CCDC192: variants seen among roughly 807,000 people sequenced by gnomAD.
CCDC192 encodes coiled-coil domain containing 192.
chr5:127,883,441 C>A (rs930114940), intron 6 of CCDC192, among the ~76,000 whole-genome samples: 3 of 152,102 alleles, frequency 2.0e-5, no homozygotes, highest in African/African-American at 7.2e-5. Flanking sequence ...TTGATATTTG[C>A]CTTACAGAAA....
intron 1 of CCDC192, among the ~76,000 whole-genome samples, chr5:127,707,082 G>A (rs79441345): frequency 6.6e-6 from 1 of 152,202 alleles, no homozygotes; most frequent in African/African-American, 2.4e-5. Flanking sequence ...TTGGACAAGT[G>A]CAGTTTCTGT....
intron 2 of CCDC192, among the ~76,000 whole-genome samples, chr5:127,752,691 G>A (rs1302118729): frequency 6.6e-6 from 1 of 152,244 alleles, no homozygotes; most frequent in African/African-American, 2.4e-5. Flanking sequence ...CCTGGGCAAT[G>A]GCGGGCGCCC....
At chr5:127,752,879 G>T (rs529949968) in intron 2 of CCDC192, among the ~76,000 whole-genome samples, 33 of 152,302 alleles carry the variant, frequency 2.2e-4, no homozygotes, top group African/African-American at 7.5e-4. Context: ...CGATTTTCCA[G>T]GTGCCGTTCG....
At chr5:127,870,769 C>T (rs1751818688) in intron 5 of CCDC192, among the ~76,000 whole-genome samples, 3 of 152,136 alleles carry the variant, frequency 2.0e-5, no homozygotes, top group Non-Finnish European at 4.4e-5. Context: ...ATAATATTCT[C>T]CTGAGGGTAT....
rs1417120690 is a variant in CCDC192 at position 127,796,985 on chromosome 5, G to A, written c.223-118G>A. 3 of 378,114 alleles carry A rather than the reference G, an allele frequency of 7.9e-6. No homozygotes were observed. In the Admixed American group the frequency reaches 1.4e-4, roughly 17 times the overall value. 23.4% of individuals were successfully genotyped at this position (378,114 alleles called of 1,614,324 possible). On this transcript the variant is annotated intron_variant, in intron 3 of 6. Coordinates refer to ENST00000514853, the MANE Select transcript of CCDC192 (RefSeq NM_001317938.2). ...ATCATCTATGAGGAATGCTCCAGAA[G>A]CTATTTTCATATTTAGTAGATACTG...
At chr5:127,888,951 C>A (rs73331832) in intron 6 of CCDC192, among the ~76,000 whole-genome samples, 1 of 152,122 alleles carries the variant, frequency 6.6e-6, no homozygotes, top group Non-Finnish European at 1.5e-5. Flanking sequence ...AGATGACCTT[C>A]TTTTGAGGTT....
intron 2 of CCDC192, among the ~76,000 whole-genome samples, chr5:127,750,322 C>G (rs1754068365): frequency 6.6e-6 from 1 of 152,172 alleles, no homozygotes; most frequent in Non-Finnish European, 1.5e-5. Context: ...TGTCTTTGTT[C>G]ACAGTGGTTT....
chr5:127,916,281 C>T (rs2127183046), intron 6 of CCDC192, among the ~76,000 whole-genome samples: 1 of 152,312 alleles, frequency 6.6e-6, no homozygotes, highest in East Asian at 1.9e-4. Context: ...TTATTTCCAC[C>T]ATTTCTGCAG....
At chr5:127,837,923 G>C (rs1156737146) in intron 5 of CCDC192, among the ~76,000 whole-genome samples, 2 of 152,040 alleles carry the variant, frequency 1.3e-5, no homozygotes, top group Admixed American at 1.3e-4. Context: ...AGGAGGCGGA[G>C]GTTGCAGTGA....
At position 127,882,829 on chromosome 5, in the gene CCDC192, T is replaced by A. The variant is rs551321363; in HGVS notation, c.535+7168T>A. ...GAATAGTTGTCCACTTGGGTGTAGG[T>A]CTGTTGAACAATGTCACCTTTTCCT... On this transcript the variant is annotated intron_variant, in intron 6 of 6. Coordinates refer to ENST00000514853, the MANE Select transcript of CCDC192 (RefSeq NM_001317938.2). Among the ~76,000 whole-genome samples the A allele has an allele frequency of 3.3e-5, 5 of 152,306 alleles. No homozygotes were observed. In the South Asian group the frequency reaches 1.0e-3, roughly 32 times the overall value.
At chr5:127,709,234 AGAGAGAGAGAGAG>A (rs1751180168) in intron 2 of CCDC192, among the ~76,000 whole-genome samples, 1 of 90,594 alleles carries the variant, frequency 1.1e-5, no homozygotes, top group Non-Finnish European at 2.4e-5. Context: ...AGAGAGAGAG[AGAGAGAGAGAGAG>A]AAATGCTACA....
chr5:127,928,475 G>A (rs6869706), intron 6 of CCDC192, among the ~76,000 whole-genome samples: 4,891 of 152,106 alleles, frequency 0.032, 258 homozygotes, highest in African/African-American at 0.11. Context: ...TATCATCCTT[G>A]TGATTACATT....
intron 5 of CCDC192, among the ~76,000 whole-genome samples, chr5:127,858,811 C>A (rs956958951): frequency 6.6e-6 from 1 of 152,142 alleles, no homozygotes; most frequent in Non-Finnish European, 1.5e-5. Flanking sequence ...ATCAAGTACA[C>A]AATTTGCAGC....
At chr5:127,810,072 G>A (rs1375431353) in intron 5 of CCDC192, among the ~76,000 whole-genome samples, 1 of 152,202 alleles carries the variant, frequency 6.6e-6, no homozygotes, top group East Asian at 1.9e-4. Context: ...AAGTGAAGGA[G>A]AATTAGGTAT....
chr5:127,760,807 A>C (rs1357650882), intron 3 of CCDC192, among the ~76,000 whole-genome samples: 2 of 152,082 alleles, frequency 1.3e-5, no homozygotes, highest in Admixed American at 6.5e-5. Flanking sequence ...AGCAAGACAG[A>C]AAACCAAGTC....
chr5:127,736,665 T>C (rs1441272213), intron 2 of CCDC192, among the ~76,000 whole-genome samples: 1 of 151,838 alleles, frequency 6.6e-6, no homozygotes, highest in Non-Finnish European at 1.5e-5. Context: ...TGGGAGAGTG[T>C]ATGTGTCCAG....
intron 5 of CCDC192, among the ~76,000 whole-genome samples, chr5:127,820,875 G>T (rs1749257267): frequency 6.6e-6 from 1 of 151,962 alleles, no homozygotes; most frequent in African/African-American, 2.4e-5. Flanking sequence ...TGTCTACCAA[G>T]GATTAATTTA....
intron 5 of CCDC192, among the ~76,000 whole-genome samples, chr5:127,855,798 C>G (rs1561525145): frequency 6.6e-6 from 1 of 152,198 alleles, no homozygotes; most frequent in Non-Finnish European, 1.5e-5. Flanking sequence ...TAGGTGCATT[C>G]TCAATAAGCA....
intron 2 of CCDC192, among the ~76,000 whole-genome samples, chr5:127,708,759 A>C (rs753818652): frequency 6.6e-6 from 1 of 152,198 alleles, no homozygotes; most frequent in Non-Finnish European, 1.5e-5. Context: ...CTGAGAGTGT[A>C]CAGGAGCATG....
Sources: allele counts gnomAD v4.1 joint callset (sites outside exome capture counted in the v4.1 genomes callset), GRCh38; gene constraint gnomAD v4.1.1; transcripts MANE v1.5; gene names NCBI Gene and HGNC (gene_info 2026-07-23, HGNC 2026-07-21).